Variants in FOXN3 observed in about 807,000 individuals in gnomAD.
FOXN3 encodes the protein forkhead box N3, also known as forkhead box protein N3.
FOXN3 carries 7 observed loss-of-function variants against 38.4 expected under a neutral mutation model. That is an observed-to-expected ratio of 0.18 (90% confidence interval 0.10 to 0.34). FOXN3 has a LOEUF of 0.34. FOXN3 is among the 10% of genes least tolerant of loss of function. The pLI is 1.00. For synonymous variants in FOXN3, 230 were observed against 242.2 expected (o/e 0.95, Z 0.47); for missense variants, 456 against 613.4 (o/e 0.74, Z 2.71).
intron 1 of FOXN3, among the ~76,000 whole-genome samples, chr14:89,478,649 CG>C (rs1566669979): frequency 6.6e-6 from 1 of 152,010 alleles, no homozygotes; most frequent in Non-Finnish European, 1.5e-5. Flanking sequence ...ACCACAACAC[CG>C]ACTGAGCACA....
chr14:89,289,358 C>T (rs1338718538), intron 3 of FOXN3, among the ~76,000 whole-genome samples: 1 of 151,972 alleles, frequency 6.6e-6, no homozygotes, highest in Non-Finnish European at 1.5e-5. Context: ...GTCTGGCAGG[C>T]AGAAAAGAAA....
At chr14:89,213,056 G>C (rs1046654853) in intron 4 of FOXN3, among the ~76,000 whole-genome samples, 3 of 152,176 alleles carry the variant, frequency 2.0e-5, no homozygotes, top group Non-Finnish European at 4.4e-5. Context: ...GATACCATCT[G>C]GGCATGCTCC....
chr14:89,376,331 G>A (rs185862766), intron 2 of FOXN3, among the ~76,000 whole-genome samples: 1 of 152,218 alleles, frequency 6.6e-6, no homozygotes, highest in East Asian at 1.9e-4. Context: ...TAAAACAACT[G>A]ACTAAATAAA....
intron 2 of FOXN3, among the ~76,000 whole-genome samples, chr14:89,388,136 A>G (rs577133586): frequency 2.6e-5 from 4 of 152,326 alleles, no homozygotes; most frequent in African/African-American, 7.2e-5. Context: ...GTGAGCCGAG[A>G]TTGCGACATT....
At chr14:89,239,651 C>G (rs1885086670) in intron 4 of FOXN3, among the ~76,000 whole-genome samples, 1 of 152,210 alleles carries the variant, frequency 6.6e-6, no homozygotes, top group Non-Finnish European at 1.5e-5. Context: ...AACATGGTTG[C>G]CGCATTAACC....
intron 2 of FOXN3, among the ~76,000 whole-genome samples, chr14:89,352,089 C>T (rs1353712672): frequency 6.6e-6 from 1 of 152,200 alleles, no homozygotes; most frequent in Non-Finnish European, 1.5e-5. Flanking sequence ...AAACCACAGC[C>T]AGGGGCTGGA....
chr14:89,191,751 CAAA>C (rs564577421), intron 4 of FOXN3, among the ~76,000 whole-genome samples: 2 of 107,130 alleles, frequency 1.9e-5, no homozygotes, highest in Non-Finnish European at 2.0e-5. Flanking sequence ...AACAGGGTCT[CAAA>C]AAAAAAAAAA....
chr14:89,598,152 G>A (rs1462416488), intron 1 of FOXN3, among the ~76,000 whole-genome samples: 1 of 151,960 alleles, frequency 6.6e-6, no homozygotes, highest in African/African-American at 2.4e-5. Context: ...ATCACTTCCT[G>A]TACACTACAA....
chr14:89,489,338 C>G (rs1325296028), intron 1 of FOXN3, among the ~76,000 whole-genome samples: 1 of 152,148 alleles, frequency 6.6e-6, no homozygotes, highest in African/African-American at 2.4e-5. Flanking sequence ...CTCATCGAGG[C>G]GTTTGGCTAC....
intron 4 of FOXN3, chr14:89,230,976 A>C: frequency 2.4e-6 from 1 of 416,644 alleles, no homozygotes; most frequent in Non-Finnish European, 4.9e-6. Context: ...AGTAGCACAT[A>C]GCCACTAGCT....
intron 4 of FOXN3, among the ~76,000 whole-genome samples, chr14:89,241,453 G>A (rs1885138368): frequency 6.6e-6 from 1 of 152,136 alleles, no homozygotes; most frequent in Admixed American, 6.5e-5. Flanking sequence ...AGACACACGT[G>A]GGTTCTGCAT....
intron 3 of FOXN3, among the ~76,000 whole-genome samples, chr14:89,325,535 GAGAA>G (rs1245300376): frequency 6.6e-6 from 1 of 152,180 alleles, no homozygotes; most frequent in African/African-American, 2.4e-5. Context: ...ATGGAGGGTG[GAGAA>G]CCACCCTCTT....
Position 89,350,807 on chromosome 14 carries a change from C to A in FOXN3, c.545G>T (p.Ser182Ile). The A allele has an allele frequency of 2.3e-5, 36 of 1,543,482 alleles. No individual in the cohort carries two copies. The highest frequency in any genetic ancestry group is 3.1e-5 in the Non-Finnish European group (36 of 1,152,292). The change falls in exon 3 of 6, where the codon AGT (serine) becomes ATT (isoleucine). Residue 182 changes from serine (S) to isoleucine (I), a missense_variant and splice_region_variant. Physicochemically the swap from Ser to Ile is moderately radical, Grantham distance 142. Around this residue, in one of 3 missense-constraint regions of FOXN3, gnomAD observed 386 missense variants for 505.2 expected, o/e 0.76. Transcript: ENST00000557258. ...GCACCACAACGACCCTTTCCCAATACTCTGCAAAGAAAATTAAAATACAAA... is the reference window on the plus strand; with the variant it reads ...GCACCACAACGACCCTTTCCCAATAATCTGCAAAGAAAATTAAAATACAAA... ...FKKVDKERSQ[S>I]IGKGSLWCID...
intron 1 of FOXN3, among the ~76,000 whole-genome samples, chr14:89,561,096 A>G (rs1465961334): frequency 6.6e-6 from 1 of 152,228 alleles, no homozygotes; most frequent in Non-Finnish European, 1.5e-5. Context: ...CTGGAGAGGA[A>G]GTAGAAGAAG....
intron 1 of FOXN3, among the ~76,000 whole-genome samples, chr14:89,573,566 G>T (rs566482617): frequency 9.2e-4 from 140 of 152,234 alleles, no homozygotes; most frequent in African/African-American, 3.1e-3. Context: ...TCCAAATCCC[G>T]TTAAGGAAGA....
At chr14:89,201,782 A>T (rs1428831820) in intron 4 of FOXN3, among the ~76,000 whole-genome samples, 1 of 152,172 alleles carries the variant, frequency 6.6e-6, no homozygotes, top group East Asian at 1.9e-4. Context: ...ACTTATTGGA[A>T]GATAGCTCCT....
chr14:89,513,150 G>GAAAAAAAAAAAAAAA (rs36003791), intron 1 of FOXN3, among the ~76,000 whole-genome samples: 5 of 101,980 alleles, frequency 4.9e-5, no homozygotes, highest in Non-Finnish European at 9.4e-5. Context: ...TCCATCTCAG[G>GAAAAAAAAAAAAAAA]AAAAAAAAAA....
intron 1 of FOXN3, among the ~76,000 whole-genome samples, chr14:89,444,526 C>T (rs1222673298): frequency 6.6e-6 from 1 of 152,014 alleles, no homozygotes; most frequent in Non-Finnish European, 1.5e-5. Context: ...TTTCTAATCA[C>T]AAGTAGGAGA....
intron 4 of FOXN3, among the ~76,000 whole-genome samples, chr14:89,242,794 C>T (rs1297839918): frequency 1.3e-5 from 2 of 152,186 alleles, no homozygotes; most frequent in Non-Finnish European, 2.9e-5. Flanking sequence ...CAGAGTTCTA[C>T]ATTTTCCTAT....
Sources: gnomAD v4.1 joint callset for allele counts (sites outside exome capture counted in the v4.1 genomes callset) on GRCh38, gnomAD v4.1.1 for gene constraint, gnomAD v4.1.1 regional missense constraint, MANE v1.5 for transcripts, NCBI Gene and HGNC (gene_info 2026-07-23, HGNC 2026-07-21) for gene names.